The following FAM135B variants were observed in gnomAD, a reference collection of about 807,000 sequenced individuals.
The protein encoded by FAM135B is protein FAM135B.
A neutral mutation model predicts 127.7 loss-of-function variants in FAM135B; 43 were observed. The observed-to-expected ratio is 0.34, with a 90% CI of 0.26 to 0.43. The LOEUF (loss-of-function observed/expected upper bound fraction) is 0.43, where lower values mean the gene tolerates loss of function less well. Among genes scored for constraint, FAM135B ranks in the 20% least tolerant of loss-of-function variants. FAM135B has a pLI of 1.00. For missense variants in FAM135B, 1,558 were observed against 1,725.6 expected (o/e 0.90, Z 1.72); for synonymous variants, 670 against 665.1 (o/e 1.01, Z -0.11).
chr8:138,217,348 C>T (rs1466397396), intron 7 of FAM135B, among the ~76,000 whole-genome samples: 1 of 151,190 alleles, frequency 6.6e-6, no homozygotes, highest in Non-Finnish European at 1.5e-5. Flanking sequence ...GGAATTCCAA[C>T]ATTGTTCTCT....
chr8:138,155,928 G>A (rs1818689446), intron 12 of FAM135B, among the ~76,000 whole-genome samples: 1 of 152,092 alleles, frequency 6.6e-6, no homozygotes, highest in African/African-American at 2.4e-5. Context: ...CTTGAACTCG[G>A]CTCTGCACCA....
At position 138,152,359 on chromosome 8, in the gene FAM135B, C is replaced by T. The variant is rs1818247757; in HGVS notation, c.2116G>A (p.Glu706Lys). The T allele has an allele frequency of 6.2e-7, 1 of 1,614,174 alleles. No individual in the cohort carries two copies. Among genetic ancestry groups the T allele is most frequent in the Non-Finnish European group, 8.5e-7 (1 of 1,180,022 alleles). ...AAGACTTCCCGATCACTGGGCAACT[C>T]CAGAGCCCTGCTTCGGGCCTCTGAC... ...AWSEARSRAL[E>K]LPSDREVLHP... The change falls in exon 13 of 20, where the codon GAG becomes AAG. Residue 706 changes from glutamate to lysine, a missense_variant. Around this residue, in one of 5 missense-constraint regions of FAM135B, gnomAD observed 923 missense variants for 865.3 expected, o/e 1.07. Transcript: ENST00000395297.
At chr8:138,229,769 A>G (rs908836728) in intron 7 of FAM135B, among the ~76,000 whole-genome samples, 6 of 152,190 alleles carry the variant, frequency 3.9e-5, no homozygotes, top group African/African-American at 1.4e-4. Context: ...GAAACTTACA[A>G]TCATGGCAAA....
chr8:138,366,886 G>A (rs1193234925), intron 2 of FAM135B, among the ~76,000 whole-genome samples: 1 of 152,154 alleles, frequency 6.6e-6, no homozygotes, highest in Admixed American at 6.5e-5. Context: ...CAAATTCCAA[G>A]ACTGAACAAC....
chr8:138,355,519 A>G (rs553209755), intron 2 of FAM135B, among the ~76,000 whole-genome samples: 1 of 152,290 alleles, frequency 6.6e-6, no homozygotes, highest in East Asian at 1.9e-4. Flanking sequence ...GGGGACCATG[A>G]TCACTTCTGA....
At chr8:138,282,624 G>A (rs954421884) in intron 3 of FAM135B, among the ~76,000 whole-genome samples, 2 of 152,144 alleles carry the variant, frequency 1.3e-5, no homozygotes, top group African/African-American at 2.4e-5. Flanking sequence ...TTAAAACAGC[G>A]AGATACTGTT....
chr8:138,491,515 G>T (rs1211028401), intron 1 of FAM135B, among the ~76,000 whole-genome samples: 1 of 152,172 alleles, frequency 6.6e-6, no homozygotes, highest in African/African-American at 2.4e-5. Context: ...ACATGTCATT[G>T]TTTCTCCCTC....
chr8:138,308,960 T>C (rs879448066), intron 3 of FAM135B: 2 of 450,230 alleles, frequency 4.4e-6, no homozygotes, highest in Non-Finnish European at 8.9e-6. Flanking sequence ...CCTGATGACA[T>C]GACCACAGGT....
Position 138,314,725 on chromosome 8 carries a change from T to TA in FAM135B, c.78-3806dup, listed in dbSNP as rs766795967. On this transcript the variant is annotated intron_variant, in intron 2 of 19. Coordinates refer to ENST00000395297, the MANE Select transcript of FAM135B (RefSeq NM_015912.4). ...TAAATAAATAAATAAATAAATAAAT[T>TA]AGCTGGGTGTGGTGGCAGATGCCTG... is the stretch of plus-strand genomic sequence containing the variant. Among the ~76,000 whole-genome samples, 172 of 48,750 alleles carry TA rather than the reference T, an allele frequency of 3.5e-3. 4 individuals are homozygous for TA. The highest frequency in any genetic ancestry group is 0.032 in the South Asian group (60 of 1,870). The allele number at this position is 48,750 out of a possible 152,430, so 32.0% of individuals were successfully genotyped here.
intron 3 of FAM135B, among the ~76,000 whole-genome samples, chr8:138,295,133 G>GTTTTTTGTTTTTTTTTTT (rs1825391498): frequency 8.7e-6 from 1 of 115,408 alleles, no homozygotes; most frequent in African/African-American, 3.5e-5. Flanking sequence ...TTTTTTTTGG[G>GTTTTTTGTTTTTTTTTTT]TAGGAATCCC....
intron 3 of FAM135B, among the ~76,000 whole-genome samples, chr8:138,266,437 G>A (rs921545290): frequency 3.3e-5 from 5 of 151,616 alleles, no homozygotes; most frequent in South Asian, 4.1e-4. Flanking sequence ...ATCCCTAAAC[G>A]GTACTTCAAA....
intron 1 of FAM135B, among the ~76,000 whole-genome samples, chr8:138,370,735 C>A (rs1454724260): frequency 6.6e-6 from 1 of 152,204 alleles, no homozygotes; most frequent in Non-Finnish European, 1.5e-5. Flanking sequence ...CAGGCATGAA[C>A]CACCATGCTC....
At chr8:138,455,626 C>A (rs1035172445) in intron 1 of FAM135B, among the ~76,000 whole-genome samples, 5 of 152,166 alleles carry the variant, frequency 3.3e-5, no homozygotes, top group African/African-American at 1.2e-4. Context: ...TATCTAGGCC[C>A]AAGAGATCAA....
At chr8:138,486,245 G>A (rs960464315) in intron 1 of FAM135B, among the ~76,000 whole-genome samples, 5 of 152,044 alleles carry the variant, frequency 3.3e-5, no homozygotes, top group African/African-American at 9.7e-5. Context: ...AAAGTTTCAG[G>A]AGACATTTTT....
chr8:138,265,104 A>G (rs921823813), intron 4 of FAM135B, among the ~76,000 whole-genome samples: 1 of 152,134 alleles, frequency 6.6e-6, no homozygotes, highest in Admixed American at 6.5e-5. Flanking sequence ...GGGGCTTGCA[A>G]TGATGCTGTT....
intron 2 of FAM135B, among the ~76,000 whole-genome samples, chr8:138,353,544 A>G (rs370240231): frequency 1.7e-4 from 26 of 152,272 alleles, no homozygotes; most frequent in African/African-American, 5.8e-4. Context: ...ACCTTCAAAT[A>G]TATATAAATT....
chr8:138,257,700 G>T (rs560290642), intron 4 of FAM135B, among the ~76,000 whole-genome samples: 39 of 152,178 alleles, frequency 2.6e-4, no homozygotes, highest in African/African-American at 9.2e-4. Flanking sequence ...ATTTAACGGT[G>T]CCTATTACAA....
Position 138,151,207 on chromosome 8 carries a change from C to G in FAM135B, c.3268G>C (p.Glu1090Gln), listed in dbSNP as rs1586608778. Residue 1090 changes from glutamate to glutamine, a missense_variant, in exon 13 of 20, where the codon GAG becomes CAG. This residue lies in a region of FAM135B where 923 missense variants were observed against 865.3 expected (regional missense o/e 1.07). Transcript: ENST00000395297. ...CAGCCAGCTTACCTAAACATCCTCT[C>G]ACTGACTTCCTCATCCAACGTGCTG... The part of the protein sequence containing the change: ...HSSTLDEEVS[E>Q]RMFSFYQAKE... The G allele has an allele frequency of 6.5e-7, 1 of 1,534,390 alleles. No individual in the cohort carries two copies.
In FAM135B at chr8:138,152,349, C is replaced by A. The variant is rs753074288; in HGVS notation, c.2126G>T (p.Ser709Ile). 4 of 1,614,038 alleles carry A rather than the reference C, an allele frequency of 2.5e-6. No homozygotes were observed. The African/African-American group carries it at 5.3e-5, about 22-fold the overall frequency. Residue 709 changes from serine to isoleucine, a missense_variant, in exon 13 of 20, where the codon AGT becomes ATT. Ser to Ile is a moderately radical substitution (Grantham distance 142, BLOSUM62 -2). Around this residue, in one of 5 missense-constraint regions of FAM135B, gnomAD observed 923 missense variants for 865.3 expected, o/e 1.07. Transcript: ENST00000395297. ...AAACGGGTGCAAGACTTCCCGATCACTGGGCAACTCCAGAGCCCTGCTTCG... is the reference window on the plus strand; with the variant it reads ...AAACGGGTGCAAGACTTCCCGATCAATGGGCAACTCCAGAGCCCTGCTTCG... ...EARSRALELP[S>I]DREVLHPFVR...
Sources: gnomAD v4.1 joint callset for allele counts (sites outside exome capture counted in the v4.1 genomes callset) on GRCh38, gnomAD v4.1.1 for gene constraint, gnomAD v4.1.1 regional missense constraint, MANE v1.5 for transcripts, NCBI Gene and HGNC (gene_info 2026-07-23, HGNC 2026-07-21) for gene names.